ART3: variants seen among roughly 807,000 people sequenced by gnomAD.
ART3 encodes the protein ADP-ribosyltransferase 3 (inactive), also known as ecto-ADP-ribosyltransferase 3.
A neutral mutation model predicts 48.5 loss-of-function variants in ART3; 49 were observed. That is an observed-to-expected ratio of 1.01 (90% CI 0.80 to 1.28). The LOEUF is 1.28. Among genes scored for constraint, ART3 ranks in the 50% most tolerant of loss-of-function variants. The pLI, the probability that ART3 is intolerant of heterozygous loss-of-function variation, is 0.00. For synonymous variants in ART3, 145 were observed against 157.2 expected (o/e 0.92, Z 0.58); for missense variants, 438 against 454.3 (o/e 0.96, Z 0.33).
At chr4:76,045,314 C>T (rs57807567) in intron 1 of ART3, among the ~76,000 whole-genome samples, 11,679 of 151,980 alleles carry the variant, frequency 0.077, 620 homozygotes, top group South Asian at 0.14. Context: ...TTGAGGGCCA[C>T]GCACGTGCAT....
intron 3 of ART3, 108 bp from the exon 4 acceptor site, chr4:76,097,536 T>C (rs748323092): frequency 9.7e-6 from 9 of 932,590 alleles, no homozygotes; most frequent in Non-Finnish European, 1.5e-5. Flanking sequence ...ATTATGAGTC[T>C]GATAAACCAG....
intron 3 of ART3, among the ~76,000 whole-genome samples, chr4:76,095,439 C>T (rs565329533): frequency 3.3e-5 from 5 of 152,172 alleles, no homozygotes; most frequent in East Asian, 3.9e-4. Context: ...ACCCAGGAGG[C>T]GGAGGTTGCA....
At chr4:76,034,830 A>G (rs1365618654) in intron 1 of ART3, 1 of 1,553,476 alleles carries the variant, frequency 6.4e-7, no homozygotes. Context: ...GAATAAGAAA[A>G]CAAGAGTTTT....
chr4:76,029,197 G>C (rs1469576878), intron 1 of ART3, among the ~76,000 whole-genome samples: 1 of 152,118 alleles, frequency 6.6e-6, no homozygotes, highest in Non-Finnish European at 1.5e-5. Context: ...GTTCAGTAGT[G>C]CCTGTTATTC....
At chr4:76,098,697 TTG>T (rs1272636252) in intron 4 of ART3, among the ~76,000 whole-genome samples, 3 of 152,048 alleles carry the variant, frequency 2.0e-5, no homozygotes, top group African/African-American at 7.2e-5. Flanking sequence ...GAGGCAGAGG[TTG>T]CAGTGAGCCG....
At chr4:76,105,161 C>A (rs1289519858) in intron 10 of ART3, among the ~76,000 whole-genome samples, 1 of 152,156 alleles carries the variant, frequency 6.6e-6, no homozygotes, top group African/African-American at 2.4e-5. Flanking sequence ...TGATGACACA[C>A]CTTGTGCGTC....
upstream of ART3, among the ~76,000 whole-genome samples, chr4:76,073,482 A>C (rs551749269): frequency 6.6e-6 from 1 of 152,216 alleles, no homozygotes; most frequent in African/African-American, 2.4e-5. Flanking sequence ...GTTGGAACAT[A>C]TCTCTATTCT....
At chr4:76,027,207 C>T (rs536214712) in intron 1 of ART3, among the ~76,000 whole-genome samples, 1 of 152,208 alleles carries the variant, frequency 6.6e-6, no homozygotes, top group East Asian at 1.9e-4. Context: ...GAGCCGAGAT[C>T]ACGCCATTGC....
At chr4:76,079,776 T>C (rs959073163) in intron 2 of ART3, among the ~76,000 whole-genome samples, 7 of 152,012 alleles carry the variant, frequency 4.6e-5, no homozygotes, top group Middle Eastern at 3.2e-3. Context: ...TCTTTCAAGA[T>C]GTTTGTTCGT....
chr4:76,093,709 C>T (rs1578537440), intron 3 of ART3, among the ~76,000 whole-genome samples: 2 of 152,242 alleles, frequency 1.3e-5, no homozygotes, highest in Non-Finnish European at 2.9e-5. Context: ...TTCTGCATAC[C>T]ACAGTATGTC....
intron 2 of ART3, 39 bp downstream of exon 2, chr4:76,075,997 G>A: frequency 1.5e-6 from 2 of 1,300,602 alleles, no homozygotes; most frequent in East Asian, 2.4e-5. Context: ...CATTGGAATG[G>A]AAATTCGTTT....
chr4:76,072,242 T>A (rs1328189227), upstream of ART3, among the ~76,000 whole-genome samples: 1 of 152,224 alleles, frequency 6.6e-6, no homozygotes, highest in Non-Finnish European at 1.5e-5. Context: ...TTCCATTTAC[T>A]TTTTTGTGAG....
intron 1 of ART3, among the ~76,000 whole-genome samples, chr4:76,019,364 G>A (rs917419272): frequency 2.0e-5 from 3 of 149,776 alleles, no homozygotes; most frequent in Non-Finnish European, 4.4e-5. Context: ...CTACGTATTT[G>A]CAATTGAATG....
intron 2 of ART3, among the ~76,000 whole-genome samples, chr4:76,076,189 A>G (rs1721038548): frequency 6.6e-6 from 1 of 152,020 alleles, no homozygotes; most frequent in Non-Finnish European, 1.5e-5. Flanking sequence ...TATTTTTGGT[A>G]GAGACGGGTT....
Position 76,041,976 on chromosome 4 carries a change from G to A in ART3, c.-10+30656G>A, listed in dbSNP as rs182217601. ...CATTCTCTGTGTTCTTAGCAGTGTT[G>A]GCCTTTTTTATTGTTTCCAGAATTG... On this transcript the variant is annotated intron_variant, in intron 1 of 9. Transcript: ENST00000341029. 2.9e-3 allele frequency among the ~76,000 whole-genome samples: 441 copies of A among 152,098 alleles called. 1 individual carries two copies. The highest frequency in any genetic ancestry group is 5.0e-3 in the Non-Finnish European group (343 of 67,948).
chr4:76,045,004 C>A lies in ART3; in HGVS notation c.-9-30877C>A. ...GATAAGCATACTTGTTATCTGTATACACATTTATTCTTTTTCCCTTTCCCA... is the reference window on the plus strand; with the variant it reads ...GATAAGCATACTTGTTATCTGTATAAACATTTATTCTTTTTCCCTTTCCCA... On this transcript the variant is annotated intron_variant, in intron 1 of 9. Coordinates refer to the ART3 transcript ENST00000341029. 1.3e-5 allele frequency among the ~76,000 whole-genome samples: 2 copies of A among 152,054 alleles called. 1 individual carries two copies. Among genetic ancestry groups the A allele is most frequent in the Non-Finnish European group, 2.9e-5 (2 of 67,970 alleles).
intron 1 of ART3, among the ~76,000 whole-genome samples, chr4:76,017,032 T>C (rs988641335): frequency 4.0e-5 from 6 of 151,776 alleles, no homozygotes; most frequent in Non-Finnish European, 8.8e-5. Context: ...CAGGCTGGAA[T>C]TGGGGGCCCA....
intron 2 of ART3, 102 bp from the exon 3 acceptor site, chr4:76,081,722 G>C (rs1360907940): frequency 4.7e-6 from 6 of 1,280,652 alleles, no homozygotes; most frequent in Non-Finnish European, 6.5e-6. Context: ...AGTCAGGCGA[G>C]AATTTTGGCA....
chr4:76,020,310 C>G (rs1346620370), intron 1 of ART3, among the ~76,000 whole-genome samples: 1 of 151,972 alleles, frequency 6.6e-6, no homozygotes, highest in African/African-American at 2.4e-5. Context: ...TGTTTCCAGG[C>G]TGGTCTCAAA....
Sources: allele counts gnomAD v4.1 joint callset (sites outside exome capture counted in the v4.1 genomes callset), GRCh38; gene constraint gnomAD v4.1.1; transcripts MANE v1.5; gene names NCBI Gene and HGNC (gene_info 2026-07-23, HGNC 2026-07-21).